The following ABCC5 variants were observed in gnomAD, a reference collection of about 807,000 sequenced individuals.
The protein encoded by ABCC5 is ATP-binding cassette sub-family C member 5.
In ABCC5, 61 loss-of-function variants were observed where a neutral mutation model predicts 160.9. The ratio of observed to expected loss-of-function variants is 0.38; its 90% CI spans 0.31 to 0.47. ABCC5 has a LOEUF of 0.47. Ranked by LOEUF, ABCC5 falls within the 20% of genes least tolerant of loss-of-function variation. The probability of loss-of-function intolerance (pLI) is 0.99; values close to 1 mark genes in which losing one functional copy is unlikely to be tolerated. For synonymous variants in ABCC5, 666 were observed against 700.6 expected (o/e 0.95, Z 0.78); for missense variants, 1,308 against 1,813.3 (o/e 0.72, Z 5.06).
At chr3:183,967,941 G>A (rs1276274913) in intron 11 of ABCC5, among the ~76,000 whole-genome samples, 175 bp from the exon 12 acceptor site, 3 of 152,140 alleles carry the variant, frequency 2.0e-5, no homozygotes, top group Non-Finnish European at 2.9e-5. Flanking sequence ...ATGGGTTTCT[G>A]TGGAGACACC....
At chr3:183,929,126 G>A (rs1000349561) in intron 26 of ABCC5, among the ~76,000 whole-genome samples, 4 of 151,996 alleles carry the variant, frequency 2.6e-5, no homozygotes, top group African/African-American at 2.4e-5. Flanking sequence ...TTTCCTGTGC[G>A]TGTATTTGTT....
intron 24 of ABCC5, among the ~76,000 whole-genome samples, chr3:183,945,021 TC>T (rs1560482304): frequency 6.6e-6 from 1 of 152,140 alleles, no homozygotes; most frequent in Admixed American, 6.6e-5. Flanking sequence ...GTGTGGCACT[TC>T]CCCCTTCTCT....
chr3:183,957,896 G>C (rs10937156), intron 17 of ABCC5, among the ~76,000 whole-genome samples: 1 of 100,936 alleles, frequency 9.9e-6, no homozygotes, highest in African/African-American at 4.0e-5. Flanking sequence ...ATATCACATC[G>C]GTTACATGCG....
intron 29 of ABCC5, 48 bp downstream of exon 29, chr3:183,925,507 A>G (rs370905984): frequency 3.1e-6 from 5 of 1,601,176 alleles, no homozygotes; most frequent in African/African-American, 1.3e-5. Flanking sequence ...GCCAGGGGCC[A>G]GTTTCCTCCC....
chr3:183,942,663 G>C, intron 25 of ABCC5, 64 bp downstream of exon 25: 1 of 1,569,828 alleles, frequency 6.4e-7, no homozygotes, highest in South Asian at 1.1e-5. Flanking sequence ...TTAAAGGGGT[G>C]AAAGTGATAT....
chr3:183,929,435 T>TAAATA (rs1392065767), intron 26 of ABCC5, among the ~76,000 whole-genome samples: 3 of 152,028 alleles, frequency 2.0e-5, no homozygotes, highest in South Asian at 4.2e-4. Flanking sequence ...TCCATCTCAA[T>TAAATA]AAATAAAATA....
At chr3:183,945,391 G>A (rs1346848258) in intron 24 of ABCC5, among the ~76,000 whole-genome samples, 1 of 152,110 alleles carries the variant, frequency 6.6e-6, no homozygotes, top group Non-Finnish European at 1.5e-5. Flanking sequence ...AATTCGCTAT[G>A]GAGCTTTTCA....
At chr3:183,927,038 C>T (rs543857910) in intron 28 of ABCC5, among the ~76,000 whole-genome samples, 3 of 150,692 alleles carry the variant, frequency 2.0e-5, no homozygotes, top group Non-Finnish European at 3.0e-5. Context: ...AGCAAGACTC[C>T]GTCTCAAAAA....
intron 2 of ABCC5, among the ~76,000 whole-genome samples, chr3:184,002,848 T>A (rs1017191137): frequency 5.9e-5 from 9 of 152,302 alleles, no homozygotes; most frequent in Admixed American, 2.0e-4. Flanking sequence ...TCAACCAAGT[T>A]GTTCCTGAAG....
At chr3:183,942,695 A>G (rs369482882) in intron 25 of ABCC5, 32 bp downstream of exon 25, 5 of 1,601,670 alleles carry the variant, frequency 3.1e-6, no homozygotes, top group Admixed American at 3.4e-5. Context: ...CTACGTTCCA[A>G]TGGATTCAAA....
At chr3:183,956,824 G>A (rs570845356) in intron 17 of ABCC5, among the ~76,000 whole-genome samples, 3 of 50,498 alleles carry the variant, frequency 5.9e-5, no homozygotes, top group Admixed American at 1.9e-4. Context: ...ATGCAGATCC[G>A]TGTGTAAATC....
chr3:183,927,077 G>A (rs1712654592), intron 28 of ABCC5, among the ~76,000 whole-genome samples: 1 of 152,048 alleles, frequency 6.6e-6, no homozygotes, highest in African/African-American at 2.4e-5. Flanking sequence ...TCTATGGTTT[G>A]CAGTCGTACA....
chr3:184,017,396 CG>C lies in ABCC5; in HGVS notation c.-56+433del, dbSNP rs1237407651. 2 of 152,194 alleles carry C rather than the reference CG, an allele frequency of 1.3e-5. No homozygotes were observed. Among genetic ancestry groups the C allele is most frequent in the Non-Finnish European group, 2.9e-5 (2 of 68,046 alleles). 9.4% of individuals were successfully genotyped at this position (152,194 alleles called of 1,614,324 possible). A position where few individuals can be genotyped will look rare whatever the true frequency, so the allele number is the denominator to read the frequency against. ...CCGCTGCGGGTTGAGCAGGGTGCCCCGAGCCACCCGCTGCACAGCCTCCCAG... is the reference window on the plus strand; with the variant it reads ...CCGCTGCGGGTTGAGCAGGGTGCCCCAGCCACCCGCTGCACAGCCTCCCAG... On this transcript the variant is annotated intron_variant, in intron 1 of 29. Transcript: ENST00000334444. The surrounding 1 kb of genome is among the most constrained non-coding windows in gnomAD (Gnocchi z 4.5).
At chr3:183,978,732 CTG>C in intron 8 of ABCC5, 81 bp from the exon 9 acceptor site, 1 of 1,497,536 alleles carries the variant, frequency 6.7e-7, no homozygotes, top group Non-Finnish European at 9.0e-7. Context: ...AAACAAGACT[CTG>C]TAGGTCTCCA....
chr3:183,921,146 C>A lies in ABCC5; in HGVS notation c.*154G>T. 7.8e-6 allele frequency: 4 copies of A among 513,242 alleles called. No individual in the cohort carries two copies. The highest frequency in any genetic ancestry group is 6.8e-5 in the South Asian group (2 of 29,606). The allele number at this position is 513,242 out of a possible 1,614,324, so 31.8% of individuals were successfully genotyped here. On this transcript the variant is annotated 3_prime_UTR_variant, in exon 30 of 30. Coordinates refer to ENST00000334444, the MANE Select transcript of ABCC5 (RefSeq NM_005688.4). The surrounding 1 kb of genome is among the most constrained non-coding windows in gnomAD (Gnocchi z 4.1). ...ATACAATAATCAAAATATGACTCTC[C>A]CTAAAAGTGAAACACACAAGCCAAT...
chr3:184,003,639 T>C (rs1470854749), intron 2 of ABCC5, among the ~76,000 whole-genome samples: 3 of 152,226 alleles, frequency 2.0e-5, no homozygotes, highest in Non-Finnish European at 2.9e-5. Context: ...TGTGCTATGT[T>C]ACTCTCAAGC....
At chr3:183,937,526 T>C (rs972181080) in intron 26 of ABCC5, among the ~76,000 whole-genome samples, 7 of 152,232 alleles carry the variant, frequency 4.6e-5, no homozygotes, top group African/African-American at 1.7e-4. Context: ...CCTGTGCTTA[T>C]ATAATTTACA....
At chr3:183,989,157 CAAAAAAAAAAAAAAAA>C in intron 3 of ABCC5, 53 bp downstream of exon 3, 4 of 565,010 alleles carry the variant, frequency 7.1e-6, no homozygotes, top group South Asian at 2.3e-5. Flanking sequence ...GACTCCATCT[CAAAAAAAAAAAAAAAA>C]AAAAAAAAAG....
chr3:183,974,652 A>G (rs1004643824), intron 10 of ABCC5, among the ~76,000 whole-genome samples: 4 of 152,208 alleles, frequency 2.6e-5, no homozygotes, highest in South Asian at 2.1e-4. Context: ...ATTTTTCAGT[A>G]TAAGTATATT....
Sources: gnomAD v4.1 joint callset for allele counts (sites outside exome capture counted in the v4.1 genomes callset) on GRCh38, gnomAD v4.1.1 for gene constraint, Gnocchi (gnomAD v3.1) non-coding constraint, MANE v1.5 for transcripts, NCBI Gene and HGNC (gene_info 2026-07-23, HGNC 2026-07-21) for gene names.